The following CAMKMT variants were observed in gnomAD, a reference collection of about 807,000 sequenced individuals.
The protein encoded by CAMKMT is CaM KMT.
A neutral mutation model predicts 48.0 loss-of-function variants in CAMKMT; 53 were observed. That is an observed-to-expected ratio of 1.10 (90% CI 0.89 to 1.39). The LOEUF is 1.39. Among genes scored for constraint, CAMKMT ranks in the 40% most tolerant of loss-of-function variants. The pLI, the probability that CAMKMT is intolerant of heterozygous loss-of-function variation, is 0.00. For missense variants in CAMKMT, 428 were observed against 402.7 expected (o/e 1.06, Z -0.54); for synonymous variants, 165 against 152.3 (o/e 1.08, Z -0.61).
At chr2:44,478,532 G>T (rs985426173) in intron 3 of CAMKMT, among the ~76,000 whole-genome samples, 6 of 151,870 alleles carry the variant, frequency 4.0e-5, no homozygotes, top group African/African-American at 1.5e-4. Context: ...TTCTGCCCTT[G>T]GTTATAACAC....
At chr2:44,640,721 A>C (rs1673404313) in intron 3 of CAMKMT, among the ~76,000 whole-genome samples, 4 of 152,186 alleles carry the variant, frequency 2.6e-5, no homozygotes, top group African/African-American at 4.8e-5. Context: ...TTATTCAACC[A>C]AGTTTCTTTC....
At chr2:44,450,756 T>A (rs906223955) in intron 3 of CAMKMT, among the ~76,000 whole-genome samples, 2 of 152,146 alleles carry the variant, frequency 1.3e-5, no homozygotes, top group African/African-American at 2.4e-5. Context: ...CAGAGTAATT[T>A]TGGGTGTGAA....
At chr2:44,547,419 C>T (rs1667467361) in intron 3 of CAMKMT, among the ~76,000 whole-genome samples, 1 of 152,060 alleles carries the variant, frequency 6.6e-6, no homozygotes, top group African/African-American at 2.4e-5. Context: ...ACTCCGAAGG[C>T]CGAGGCAGGA....
chr2:44,699,789 T>G (rs182554474), intron 3 of CAMKMT, among the ~76,000 whole-genome samples: 1 of 152,112 alleles, frequency 6.6e-6, no homozygotes, highest in Admixed American at 6.6e-5. Flanking sequence ...GCATAATTCT[T>G]AAAGGCGCTA....
chr2:44,512,999 C>G (rs1670645436), intron 3 of CAMKMT, among the ~76,000 whole-genome samples: 1 of 152,184 alleles, frequency 6.6e-6, no homozygotes, highest in Admixed American at 6.5e-5. Context: ...TTTTCACAAG[C>G]AGTCCTGCAT....
intron 7 of CAMKMT, among the ~76,000 whole-genome samples, chr2:44,731,783 C>G (rs902716387): frequency 7.2e-5 from 11 of 152,164 alleles, no homozygotes; most frequent in Non-Finnish European, 1.3e-4. Flanking sequence ...TGATGCAACT[C>G]TTACTGTCTC....
chr2:44,469,539 C>T (rs985619152), intron 3 of CAMKMT, among the ~76,000 whole-genome samples: 1 of 152,074 alleles, frequency 6.6e-6, no homozygotes, highest in East Asian at 1.9e-4. Context: ...GCTCCTCTTA[C>T]ATGTATGTTA....
Position 44,510,760 on chromosome 2 carries a change from C to T in CAMKMT, c.376+120455C>T, listed in dbSNP as rs189116401. On this transcript the variant is annotated intron_variant, in intron 3 of 10. Coordinates refer to ENST00000378494, the MANE Select transcript of CAMKMT (RefSeq NM_024766.5). ...GATTTTAGTGCACCCATCACCTGAA[C>T]GGTATACACTGTACCCAGTATGTAG... Among the ~76,000 whole-genome samples, 17 of 152,130 alleles carry T rather than the reference C, an allele frequency of 1.1e-4. No individual in the cohort carries two copies. The East Asian group carries it at 1.5e-3, about 14-fold the overall frequency.
chr2:44,419,292 C>T (rs1278039549), intron 3 of CAMKMT, among the ~76,000 whole-genome samples: 1 of 152,164 alleles, frequency 6.6e-6, no homozygotes, highest in African/African-American at 2.4e-5. Flanking sequence ...CTGGAAAGCA[C>T]AGTGATGGAC....
At chr2:44,477,028 C>T (rs1368807372) in intron 3 of CAMKMT, among the ~76,000 whole-genome samples, 4 of 152,088 alleles carry the variant, frequency 2.6e-5, no homozygotes, top group Non-Finnish European at 5.9e-5. Context: ...GACATCATTA[C>T]TATGAGGATA....
intron 5 of CAMKMT, 131 bp from the exon 6 acceptor site, chr2:44,707,268 A>G (rs1677612339): frequency 1.4e-6 from 1 of 733,066 alleles, no homozygotes; most frequent in Non-Finnish European, 2.3e-6. Context: ...CATAAAATGA[A>G]AAAAGATTGA....
At chr2:44,412,574 G>T (rs1238622007) in intron 3 of CAMKMT, among the ~76,000 whole-genome samples, 1 of 151,974 alleles carries the variant, frequency 6.6e-6, no homozygotes, top group Non-Finnish European at 1.5e-5. Context: ...GACCTCAGGT[G>T]ATCCACCCAT....
chr2:44,740,061 A>G (rs1158380497), intron 7 of CAMKMT, among the ~76,000 whole-genome samples: 2 of 151,322 alleles, frequency 1.3e-5, no homozygotes, highest in African/African-American at 2.4e-5. Context: ...GTGTAGATGC[A>G]GATGCTATTA....
chr2:44,601,787 A>C (rs1475752576), intron 3 of CAMKMT, among the ~76,000 whole-genome samples: 3 of 151,806 alleles, frequency 2.0e-5, no homozygotes, highest in Admixed American at 6.6e-5. Context: ...ATTTCCTCTC[A>C]ATTCTCTTAA....
chr2:44,706,278 C>T lies in CAMKMT; in HGVS notation c.438-9C>T. ...GTATGGGTTCTACCATTTCTTTTCTCTCTTTCAGGGCCCTTGCTGTGTGTG... is the reference window on the plus strand; with the variant it reads ...GTATGGGTTCTACCATTTCTTTTCTTTCTTTCAGGGCCCTTGCTGTGTGTG... On this transcript the variant is annotated splice_polypyrimidine_tract_variant and intron_variant, in intron 4 of 10. Transcript: ENST00000378494. 1 of 1,613,244 alleles carries T rather than the reference C, an allele frequency of 6.2e-7. No individual in the cohort carries two copies. Among genetic ancestry groups the T allele is most frequent in the Non-Finnish European group, 8.5e-7 (1 of 1,179,422 alleles).
At chr2:44,764,449 C>T (rs1680750695) in intron 9 of CAMKMT, among the ~76,000 whole-genome samples, 1 of 152,098 alleles carries the variant, frequency 6.6e-6, no homozygotes, top group Non-Finnish European at 1.5e-5. Flanking sequence ...GGGAAAAAGG[C>T]AGGGCAGGCT....
At chr2:44,704,065 A>T (rs973604879) in intron 3 of CAMKMT, among the ~76,000 whole-genome samples, 8 of 152,190 alleles carry the variant, frequency 5.3e-5, no homozygotes, top group African/African-American at 1.7e-4. Context: ...AGTATAATTT[A>T]TTTAGGATAT....
chr2:44,682,305 T>C (rs1573065268), intron 3 of CAMKMT, among the ~76,000 whole-genome samples: 1 of 152,258 alleles, frequency 6.6e-6, no homozygotes, highest in East Asian at 1.9e-4. Flanking sequence ...AACAGTAGCA[T>C]GAAATGTATC....
intron 3 of CAMKMT, among the ~76,000 whole-genome samples, chr2:44,435,763 C>G (rs1450698882): frequency 1.3e-5 from 2 of 152,202 alleles, no homozygotes. Context: ...TGTTCTCATT[C>G]ACATAGCAGA....
Sources: gnomAD v4.1 joint callset for allele counts (sites outside exome capture counted in the v4.1 genomes callset) on GRCh38, gnomAD v4.1.1 for gene constraint, MANE v1.5 for transcripts, NCBI Gene and HGNC (gene_info 2026-07-23, HGNC 2026-07-21) for gene names.